Variants in ADPRHL1 observed in about 807,000 individuals in gnomAD.
ADPRHL1 encodes inactive ADP-ribosyltransferase ARH2.
ADPRHL1 carries 43 observed loss-of-function variants against 44.1 expected under a neutral mutation model. That is an observed-to-expected ratio of 0.98 (90% CI 0.76 to 1.26). ADPRHL1 has a LOEUF of 1.26. Ranked by LOEUF, ADPRHL1 falls within the 50% of genes most tolerant of loss-of-function variation. The pLI is 0.00. For missense variants in ADPRHL1, 2,022 were observed against 2,496.9 expected (o/e 0.81, Z 4.05); for synonymous variants, 878 against 1,017.4 (o/e 0.86, Z 2.61).
At chr13:113,442,226 A>C (rs2044104396) in intron 2 of ADPRHL1, among the ~76,000 whole-genome samples, 1 of 152,246 alleles carries the variant, frequency 6.6e-6, no homozygotes, top group Admixed American at 6.5e-5. Context: ...AGGCTAAGGC[A>C]GAAGGGTTGT....
chr13:113,444,694 G>C lies in ADPRHL1; in HGVS notation c.215-105C>G. The stretch of plus-strand genomic sequence containing the variant: ...TAGTCTGGGGAAGAAAGGGAGGGCA[G>C]ACACTGCAAACTCTGCCTCCCGGGT... On this transcript the variant is annotated intron_variant, in intron 1 of 7. Coordinates refer to ENST00000612156, the MANE Select transcript of ADPRHL1 (RefSeq NM_001394807.1). 2.2e-6 allele frequency: 3 copies of C among 1,383,620 alleles called. No homozygotes were observed. In the East Asian group the frequency reaches 6.9e-5, roughly 32 times the overall value. 85.7% of individuals were successfully genotyped at this position (1,383,620 alleles called of 1,614,324 possible). A position where few individuals can be genotyped will look rare whatever the true frequency, so the allele number is the denominator to read the frequency against.
In ADPRHL1 at chr13:113,406,538, G is replaced by T. The variant is rs2043810078; in HGVS notation, c.2744C>A (p.Ser915Tyr). Residue 915 changes from serine to tyrosine, a missense_variant, in exon 8 of 8, where the codon TCT becomes TAT. Coordinates refer to ENST00000612156, the MANE Select transcript of ADPRHL1 (RefSeq NM_001394807.1). ...AGCTGCCCGTGGCCCCTGCGGCGAA[G>T]AGGCGCTGAGTCCCGCCTGCATCCC... ...LSGMQAGLSA[S>Y]SPQGPRAAPR... 8.1e-7 allele frequency: 1 copy of T among 1,232,080 alleles called. No homozygotes were observed. The highest frequency in any genetic ancestry group is 1.0e-6 in the Non-Finnish European group (1 of 987,990). The allele number at this position is 1,232,080 out of a possible 1,614,324, so 76.3% of individuals were successfully genotyped here.
chr13:113,440,363 G>A (rs1204047717), intron 2 of ADPRHL1, among the ~76,000 whole-genome samples: 1 of 151,930 alleles, frequency 6.6e-6, no homozygotes, highest in Non-Finnish European at 1.5e-5. Context: ...CTTATTCTTG[G>A]GAATATTCTT....
At position 113,423,385 on chromosome 13, in the gene ADPRHL1, A is replaced by C. The variant is rs548837410; in HGVS notation, c.908-406T>G. 2.6e-5 allele frequency among the ~76,000 whole-genome samples: 4 copies of C among 152,308 alleles called. No homozygotes were observed. The East Asian group carries it at 7.7e-4, about 29-fold the overall frequency. On this transcript the variant is annotated intron_variant, in intron 6 of 7. Transcript: ENST00000612156. ...AGTCAGTGAGGTGCCAGGAAGGTGC[A>C]GAAGGAAGGCAGAGGGAGGGGAGCC...
chr13:113,414,924 C>T (rs911322493), intron 7 of ADPRHL1, among the ~76,000 whole-genome samples: 3 of 152,158 alleles, frequency 2.0e-5, no homozygotes, highest in Non-Finnish European at 4.4e-5. Context: ...CCATGCCCCT[C>T]AGCCTCCCAA....
rs550543028 is a variant in ADPRHL1 at position 113,403,868 on chromosome 13, C to T, written c.5414G>A (p.Arg1805Gln). The change falls in exon 8 of 8, where the codon CGG becomes CAG. Residue 1805 changes from arginine to glutamine, a missense_variant. Physicochemically the swap from Arg to Gln is conservative, Grantham distance 43. Coordinates refer to ENST00000612156, the MANE Select transcript of ADPRHL1 (RefSeq NM_001394807.1). ...CATCCCACTTGTCAAGGCCTGTTCC[C>T]GACCCTGTTCCCAAGCCCGTTCCTG... Reference protein sequence around the residue: ...GAQERAWEQGREQALTSGMAP... With the variant: ...GAQERAWEQGQEQALTSGMAP... 134 of 1,258,458 alleles carry T rather than the reference C, an allele frequency of 1.1e-4. No individual in the cohort carries two copies. The South Asian group carries it at 4.0e-3, about 38-fold the overall frequency. 78.0% of individuals were successfully genotyped at this position (1,258,458 alleles called of 1,614,324 possible).
intron 4 of ADPRHL1, 49 bp downstream of exon 4, chr13:113,428,903 C>A: frequency 6.2e-7 from 1 of 1,607,058 alleles, no homozygotes; most frequent in Non-Finnish European, 8.5e-7. Flanking sequence ...GGGGCTGGAT[C>A]TGTCCAGATC....
intron 1 of ADPRHL1, among the ~76,000 whole-genome samples, chr13:113,451,933 G>A (rs1384409446): frequency 3.9e-5 from 6 of 152,172 alleles, no homozygotes; most frequent in East Asian, 1.9e-4. Flanking sequence ...CCCTCCCTGC[G>A]GGCCTGGCAG....
Position 113,403,669 on chromosome 13 carries a change from G to A in ADPRHL1, c.5613C>T (p.Gly1871=), listed in dbSNP as rs1379460129. Residue 1871 remains glycine, a synonymous_variant, in exon 8 of 8, where the codon GGC becomes GGT. Coordinates refer to ENST00000612156, the MANE Select transcript of ADPRHL1 (RefSeq NM_001394807.1). ...CCAGGGGAGAGGTGGCAATGCTCTT[G>A]CCCCTGAGGGGGCGGCTTCCTGGGG... ...YPPPGSRPLR[G]KSIATSPLGL... 6.5e-6 allele frequency: 8 copies of A among 1,231,788 alleles called. No individual in the cohort carries two copies. The highest frequency in any genetic ancestry group is 8.4e-5 in the Admixed American group (2 of 23,690). 76.3% of individuals were successfully genotyped at this position (1,231,788 alleles called of 1,614,324 possible).
intron 2 of ADPRHL1, among the ~76,000 whole-genome samples, chr13:113,442,847 C>T (rs1270899315): frequency 2.0e-5 from 3 of 152,198 alleles, no homozygotes; most frequent in East Asian, 1.9e-4. Context: ...TGAGGCCGCC[C>T]GCGGGTCGCT....
chr13:113,440,839 T>C (rs1308438127), intron 2 of ADPRHL1, among the ~76,000 whole-genome samples: 1 of 152,130 alleles, frequency 6.6e-6, no homozygotes, highest in Admixed American at 6.6e-5. Context: ...TTTTGGTTGT[T>C]TGTTTGTTTG....
intron 1 of ADPRHL1, among the ~76,000 whole-genome samples, chr13:113,446,696 C>G (rs1236196316): frequency 6.6e-6 from 1 of 152,006 alleles, no homozygotes; most frequent in Non-Finnish European, 1.5e-5. Context: ...ATTGTCTGTC[C>G]TGCATGTATG....
chr13:113,427,335 C>A (rs568831691), intron 4 of ADPRHL1, among the ~76,000 whole-genome samples: 1 of 152,142 alleles, frequency 6.6e-6, no homozygotes, highest in Non-Finnish European at 1.5e-5. Context: ...TGGGTCAGGG[C>A]GACTCTCCTG....
chr13:113,428,947 C>T lies in ADPRHL1; in HGVS notation c.646+5G>A, dbSNP rs2043986768. The T allele has an allele frequency of 3.1e-6, 5 of 1,612,200 alleles. No individual in the cohort carries two copies. In the South Asian group the frequency reaches 5.5e-5, roughly 18 times the overall value. ...GTGCGGACTGGGGCCGGGGGAGCGG[C>T]TCACCTGCCGTGTGCCGGATGGTCT... On this transcript the variant is annotated splice_donor_5th_base_variant and intron_variant, in intron 4 of 7. Transcript: ENST00000612156.
chr13:113,451,883 G>A (rs527894135), intron 1 of ADPRHL1, among the ~76,000 whole-genome samples: 2 of 152,306 alleles, frequency 1.3e-5, no homozygotes, highest in East Asian at 1.9e-4. Flanking sequence ...CTGTTGGGCC[G>A]ATCTCCGTCG....
chr13:113,414,161 C>A (rs2043875116), intron 7 of ADPRHL1, among the ~76,000 whole-genome samples: 1 of 151,980 alleles, frequency 6.6e-6, no homozygotes. Flanking sequence ...TTTCACGTGG[C>A]AGCTGGGCCT....
chr13:113,428,242 C>CAAA (rs67263619), intron 4 of ADPRHL1, among the ~76,000 whole-genome samples: 85,899 of 129,778 alleles, frequency 0.66, 30,454 homozygotes, highest in Non-Finnish European at 0.79. Context: ...GATTCCATCT[C>CAAA]AAAAAAAAAA....
At position 113,409,552 on chromosome 13, in the gene ADPRHL1, G is replaced by A. The variant is rs534430528; in HGVS notation, c.1062-1332C>T. 4.1e-6 allele frequency: 4 copies of A among 985,396 alleles called. No homozygotes were observed. Among genetic ancestry groups the A allele is most frequent in the Non-Finnish European group, 4.8e-6 (4 of 829,922 alleles). The allele number at this position is 985,396 out of a possible 1,614,324, so 61.0% of individuals were successfully genotyped here. On this transcript the variant is annotated intron_variant, in intron 7 of 7. Transcript: ENST00000612156. This position sits in a 1 kb window ranked among gnomAD's most constrained non-coding sequence, Gnocchi z 4.2. ...TCGGTGGCCGGATGCGGCTGGTGAC[G>A]TGGTGCCAAGTGAAAAGCTCACTCT...
Position 113,409,059 on chromosome 13 carries a change from G to A in ADPRHL1, c.1062-839C>T, listed in dbSNP as rs1017085385. Among the ~76,000 whole-genome samples, 26 of 152,242 alleles carry A rather than the reference G, an allele frequency of 1.7e-4. No individual in the cohort carries two copies. Among genetic ancestry groups the A allele is most frequent in the African/African-American group, 6.0e-4 (25 of 41,466 alleles). On this transcript the variant is annotated intron_variant, in intron 7 of 7. Coordinates refer to ENST00000612156, the MANE Select transcript of ADPRHL1 (RefSeq NM_001394807.1). This position sits in a 1 kb window ranked among gnomAD's most constrained non-coding sequence, Gnocchi z 4.2. ...ATGGCTTAGAGGAGCCACTGAGGCT[G>A]GGGGCTGCCGCCCTTTCCCAGTGAG... is the stretch of plus-strand genomic sequence containing the variant.
Sources: gnomAD v4.1 joint callset for allele counts (sites outside exome capture counted in the v4.1 genomes callset) on GRCh38, gnomAD v4.1.1 for gene constraint, Gnocchi (gnomAD v3.1) non-coding constraint, MANE v1.5 for transcripts, NCBI Gene and HGNC (gene_info 2026-07-23, HGNC 2026-07-21) for gene names.